Variants in PIP5K1B observed in about 807,000 individuals in gnomAD.
The protein encoded by PIP5K1B is phosphatidylinositol 4-phosphate 5-kinase type-1 beta.
In PIP5K1B, 42 loss-of-function variants were observed where a neutral mutation model predicts 67.0. That is an observed-to-expected ratio of 0.63 (90% CI 0.49 to 0.81). PIP5K1B has a LOEUF of 0.81. PIP5K1B is among the 30% of genes least tolerant of loss of function. PIP5K1B has a pLI of 0.00. For missense variants in PIP5K1B, 459 were observed against 646.3 expected (o/e 0.71, Z 3.14); for synonymous variants, 214 against 231.4 (o/e 0.92, Z 0.68).
At chr9:68,747,415 C>T (rs1159827614) in intron 2 of PIP5K1B, among the ~76,000 whole-genome samples, 1 of 151,744 alleles carries the variant, frequency 6.6e-6, no homozygotes, top group African/African-American at 2.4e-5. Context: ...TGTAACATGG[C>T]AGTGTTTTCC....
intron 1 of PIP5K1B, among the ~76,000 whole-genome samples, chr9:68,735,933 A>G (rs774739814): frequency 2.2e-4 from 34 of 152,216 alleles, no homozygotes; most frequent in Admixed American, 3.9e-4. Flanking sequence ...AGCCTGAAGC[A>G]GGAGTGGCTT....
At chr9:68,859,306 T>G (rs991784823) in intron 4 of PIP5K1B, among the ~76,000 whole-genome samples, 36 of 152,316 alleles carry the variant, frequency 2.4e-4, no homozygotes, top group African/African-American at 8.4e-4. Flanking sequence ...CATGTTTGGG[T>G]TAATACAGAG....
intron 2 of PIP5K1B, among the ~76,000 whole-genome samples, chr9:68,757,659 G>T (rs1386485654): frequency 6.6e-6 from 1 of 152,104 alleles, no homozygotes; most frequent in Non-Finnish European, 1.5e-5. Context: ...AAGAGTGGCT[G>T]AAATATGTGA....
At chr9:69,000,765 A>G (rs1172718605) in intron 15 of PIP5K1B, among the ~76,000 whole-genome samples, 1 of 152,246 alleles carries the variant, frequency 6.6e-6, no homozygotes, top group Non-Finnish European at 1.5e-5. Flanking sequence ...TGGTGACAAC[A>G]GTTAGGACTT....
intron 14 of PIP5K1B, among the ~76,000 whole-genome samples, chr9:68,950,406 C>T (rs1204607059): frequency 6.6e-6 from 1 of 152,196 alleles, no homozygotes; most frequent in South Asian, 2.1e-4. Flanking sequence ...TCGTCTCACC[C>T]TAGAGAGCCC....
chr9:69,005,446 G>T lies in PIP5K1B; in HGVS notation c.1621-3001G>T, dbSNP rs533598894. 3.6e-4 allele frequency among the ~76,000 whole-genome samples: 55 copies of T among 152,200 alleles called. 1 individual carries two copies. The highest frequency in any genetic ancestry group is 1.3e-3 in the African/African-American group (53 of 41,512). On this transcript the variant is annotated intron_variant, in intron 15 of 15. Transcript: ENST00000265382. ...CTTGTTGCCCAGGCTGGAGTTCAAT[G>T]GTGCGATCTCAGCTCACCACAACCT...
chr9:68,920,695 G>GA (rs975969326), intron 11 of PIP5K1B, among the ~76,000 whole-genome samples: 3 of 151,478 alleles, frequency 2.0e-5, no homozygotes, highest in Non-Finnish European at 2.9e-5. Context: ...TGTAACTGAA[G>GA]AAAAAAATCA....
chr9:68,903,510 TG>T (rs1220311072), intron 8 of PIP5K1B, among the ~76,000 whole-genome samples: 2 of 152,232 alleles, frequency 1.3e-5, no homozygotes, highest in East Asian at 3.8e-4. Flanking sequence ...AGGTGGCAAC[TG>T]GTGTCGCCAT....
intron 13 of PIP5K1B, among the ~76,000 whole-genome samples, chr9:68,939,172 T>C (rs1827429203): frequency 1.3e-5 from 2 of 152,170 alleles, no homozygotes; most frequent in African/African-American, 4.8e-5. Context: ...GAAAAAAGCA[T>C]ATGGGAGCAT....
At chr9:68,866,370 A>G (rs1027385028) in intron 5 of PIP5K1B, among the ~76,000 whole-genome samples, 1 of 151,990 alleles carries the variant, frequency 6.6e-6, no homozygotes, top group Non-Finnish European at 1.5e-5. Flanking sequence ...GTAAAAGTCT[A>G]TAAGAAAAAC....
At chr9:68,779,155 A>C (rs1831080602) in intron 2 of PIP5K1B, among the ~76,000 whole-genome samples, 1 of 152,224 alleles carries the variant, frequency 6.6e-6, no homozygotes, top group South Asian at 2.1e-4. Context: ...GACTGACTGA[A>C]TAAATGAACA....
intron 14 of PIP5K1B, among the ~76,000 whole-genome samples, chr9:68,987,284 C>G (rs7038418): frequency 0.064 from 9,685 of 151,518 alleles, 444 homozygotes; most frequent in African/African-American, 0.13. Flanking sequence ...AATGTTGGGG[C>G]CAGGCGTGGC....
chr9:68,844,768 G>A (rs909142729), intron 4 of PIP5K1B, among the ~76,000 whole-genome samples: 1 of 152,222 alleles, frequency 6.6e-6, no homozygotes, highest in African/African-American at 2.4e-5. Context: ...CCTCTACCCA[G>A]CTGGTACTCC....
intron 2 of PIP5K1B, among the ~76,000 whole-genome samples, chr9:68,762,023 G>C (rs1830207486): frequency 6.6e-6 from 1 of 152,000 alleles, no homozygotes; most frequent in Admixed American, 6.6e-5. Flanking sequence ...CTCTGAATTA[G>C]TTAATGGATG....
chr9:68,856,383 C>G (rs770116004), intron 4 of PIP5K1B, among the ~76,000 whole-genome samples: 1 of 152,144 alleles, frequency 6.6e-6, no homozygotes, highest in Non-Finnish European at 1.5e-5. Context: ...TTTATGTCCC[C>G]AGTTTGTACA....
intron 2 of PIP5K1B, among the ~76,000 whole-genome samples, chr9:68,809,988 TGAAA>T (rs1335576055): frequency 6.6e-6 from 1 of 152,192 alleles, no homozygotes; most frequent in Non-Finnish European, 1.5e-5. Context: ...ATTGAATGAA[TGAAA>T]GAGTGAATTT....
rs370166524 is a variant in PIP5K1B at position 68,822,735 on chromosome 9, C to T, written c.69+52C>T. 1.1e-5 allele frequency: 14 copies of T among 1,249,322 alleles called. 1 individual carries two copies. The East Asian group carries it at 1.2e-4, about 10-fold the overall frequency. The allele number at this position is 1,249,322 out of a possible 1,614,324, so 77.4% of individuals were successfully genotyped here. ...AGGAACACCGTTTTGCTGTTTGGCA[C>T]GTGAATATTATCAAAGGCCTTTCCT... On this transcript the variant is annotated intron_variant, in intron 4 of 15. Transcript: ENST00000265382.
At chr9:68,971,284 G>A (rs1462354247) in intron 14 of PIP5K1B, among the ~76,000 whole-genome samples, 1 of 152,094 alleles carries the variant, frequency 6.6e-6, no homozygotes, top group Non-Finnish European at 1.5e-5. Flanking sequence ...TGAGAATGAT[G>A]GCTTCCAGCT....
intron 15 of PIP5K1B, among the ~76,000 whole-genome samples, chr9:68,999,049 C>T (rs1164814173): frequency 1.3e-5 from 2 of 152,054 alleles, no homozygotes; most frequent in Non-Finnish European, 2.9e-5. Context: ...GGGGAGGATC[C>T]TTCCCTCCCT....
Sources: gnomAD v4.1 joint callset for allele counts (sites outside exome capture counted in the v4.1 genomes callset) on GRCh38, gnomAD v4.1.1 for gene constraint, MANE v1.5 for transcripts, NCBI Gene and HGNC (gene_info 2026-07-23, HGNC 2026-07-21) for gene names.